The following BLTP1 variants were observed in gnomAD, a reference collection of about 807,000 sequenced individuals.
The protein encoded by BLTP1 is fragile site-associated protein.
the BLTP1 span, among the ~76,000 whole-genome samples, chr4:122,163,603 A>T: frequency 6.6e-6 from 1 of 152,224 alleles, no homozygotes; most frequent in Non-Finnish European, 1.5e-5. Flanking sequence ...TTCAGTATCT[A>T]TGATGTGCCA....
chr4:122,167,442 T>C, the BLTP1 span, among the ~76,000 whole-genome samples: 2 of 152,200 alleles, frequency 1.3e-5, no homozygotes, highest in South Asian at 2.1e-4. Context: ...GACCTTTCTC[T>C]TGGGCTCTGA....
At chr4:122,360,610 G>GT in the BLTP1 span, among the ~76,000 whole-genome samples, 1 of 152,146 alleles carries the variant, frequency 6.6e-6, no homozygotes, top group Non-Finnish European at 1.5e-5. Context: ...CCATTATGCA[G>GT]TGAGGACTCT....
the BLTP1 span, among the ~76,000 whole-genome samples, chr4:122,241,130 A>ATT: frequency 6.6e-6 from 1 of 152,190 alleles, no homozygotes; most frequent in Non-Finnish European, 1.5e-5. Context: ...CCTAGATTGT[A>ATT]TTGAGATGAA....
the BLTP1 span, chr4:122,172,234 A>C: frequency 3.3e-6 from 2 of 608,518 alleles, no homozygotes; most frequent in Non-Finnish European, 4.1e-6. Flanking sequence ...TTAAGGACTT[A>C]ATATGATGTT....
the BLTP1 span, chr4:122,286,705 G>C: frequency 6.2e-7 from 1 of 1,613,952 alleles, no homozygotes; most frequent in Non-Finnish European, 8.5e-7. Flanking sequence ...TAGTTATTCG[G>C]ATCAGGTGTG....
At chr4:122,334,454 T>G in the BLTP1 span, 1 of 1,613,092 alleles carries the variant, frequency 6.2e-7, no homozygotes, top group Non-Finnish European at 8.5e-7. Flanking sequence ...TGAAAGATAG[T>G]GCAACATCTC....
At chr4:122,304,785 T>C in the BLTP1 span, 1 of 1,611,124 alleles carries the variant, frequency 6.2e-7, no homozygotes. Context: ...CCTCCTAACA[T>C]ATAATCTGCT....
the BLTP1 span, among the ~76,000 whole-genome samples, chr4:122,315,858 G>A: frequency 1.3e-5 from 2 of 152,130 alleles, no homozygotes; most frequent in Admixed American, 6.6e-5. Flanking sequence ...ATCGAGTTCT[G>A]TGCTACATGT....
the BLTP1 span, chr4:122,300,799 AAAG>A: frequency 3.9e-6 from 2 of 512,416 alleles, no homozygotes; most frequent in Non-Finnish European, 5.0e-6. Context: ...TCATTGTAAG[AAAG>A]AATATTTGAA....
chr4:122,227,764 A>G, the BLTP1 span: 1 of 152,148 alleles, frequency 6.6e-6, no homozygotes, highest in Non-Finnish European at 1.5e-5. Context: ...TTTTTTTCTT[A>G]TTATAAACAC....
the BLTP1 span, among the ~76,000 whole-genome samples, chr4:122,253,774 A>G: frequency 1.3e-5 from 2 of 152,168 alleles, no homozygotes; most frequent in South Asian, 4.1e-4. Flanking sequence ...CTTGAGAAAG[A>G]TATCAATATT....
At chr4:122,294,812 A>G in the BLTP1 span, among the ~76,000 whole-genome samples, 2 of 152,168 alleles carry the variant, frequency 1.3e-5, no homozygotes, top group Non-Finnish European at 2.9e-5. Flanking sequence ...GTAATAATAA[A>G]CTTAGCTGAG....
the BLTP1 span, chr4:122,185,252 A>G: frequency 1.0e-6 from 1 of 980,466 alleles, no homozygotes; most frequent in Non-Finnish European, 1.2e-6. Context: ...TAAAGTGGAA[A>G]ACATTTAAAT....
the BLTP1 span, chr4:122,154,557 G>A: frequency 1.1e-6 from 1 of 877,114 alleles, no homozygotes; most frequent in South Asian, 5.2e-5. Flanking sequence ...ATCTACCTAT[G>A]TTTGTAAAGT....
chr4:122,337,035 T>G, the BLTP1 span: 1 of 1,577,848 alleles, frequency 6.3e-7, no homozygotes, highest in Non-Finnish European at 8.6e-7. Context: ...CATACTTCAT[T>G]TCTTTCTTTT....
At chr4:122,316,016 T>A in the BLTP1 span, among the ~76,000 whole-genome samples, 5 of 152,190 alleles carry the variant, frequency 3.3e-5, no homozygotes, top group Admixed American at 2.6e-4. Context: ...CCAACTAAGA[T>A]TTTAATGATG....
the BLTP1 span, chr4:122,346,521 T>C: frequency 8.2e-6 from 12 of 1,457,444 alleles, no homozygotes; most frequent in South Asian, 1.3e-4. Context: ...AATATGTAAC[T>C]TAAGTATAAT....
the BLTP1 span, chr4:122,207,550 C>A: frequency 7.7e-6 from 12 of 1,566,404 alleles, no homozygotes; most frequent in Non-Finnish European, 9.6e-6. Flanking sequence ...GTGTATCTGG[C>A]AGCCTGTGGA....
At chr4:122,258,327 A>T in the BLTP1 span, among the ~76,000 whole-genome samples, 1 of 152,220 alleles carries the variant, frequency 6.6e-6, no homozygotes, top group Non-Finnish European at 1.5e-5. Context: ...AGTTATGAGG[A>T]ATAGGGTAGA....
Sources: allele counts gnomAD v4.1 joint callset (sites outside exome capture counted in the v4.1 genomes callset), GRCh38; gene constraint gnomAD v4.1.1; transcripts MANE v1.5; gene names NCBI Gene and HGNC (gene_info 2026-07-23, HGNC 2026-07-21).